The following TMTC2 variants were observed in gnomAD, a reference collection of about 807,000 sequenced individuals.
TMTC2 encodes the protein transmembrane O-mannosyltransferase targeting cadherins 2.
In TMTC2, 43 loss-of-function variants were observed where a neutral mutation model predicts 82.4. That is an observed-to-expected ratio of 0.52 (90% CI 0.41 to 0.67). TMTC2 has a LOEUF of 0.67. Among genes scored for constraint, TMTC2 ranks in the 30% least tolerant of loss-of-function variants. The pLI is 0.00. For missense variants in TMTC2, 919 were observed against 1,012.4 expected, an observed-to-expected ratio of 0.91 and a Z score of 1.25; for synonymous variants, 408 against 381.9, an observed-to-expected ratio of 1.07 and a Z score of -0.80.
At chr12:82,834,903 A>G (rs1432625718) in intron 1 of TMTC2, among the ~76,000 whole-genome samples, 1 of 151,368 alleles carries the variant, frequency 6.6e-6, no homozygotes, top group Non-Finnish European at 1.5e-5. Flanking sequence ...TTTGAGATGC[A>G]ATCTTGCCCT....
At chr12:82,937,765 T>TACATATATATATATATATAC (rs1876434591) in intron 4 of TMTC2, among the ~76,000 whole-genome samples, 8 of 19,754 alleles carry the variant, frequency 4.0e-4, no homozygotes, top group African/African-American at 7.0e-4. Flanking sequence ...TATATATATA[T>TACATATATATATATATATAC]ATATATATAT....
intron 8 of TMTC2, among the ~76,000 whole-genome samples, chr12:83,013,111 A>T (rs1157592363): frequency 6.6e-6 from 1 of 152,120 alleles, no homozygotes; most frequent in Admixed American, 6.5e-5. Flanking sequence ...TGCTTAACAT[A>T]ATATCACTTA....
chr12:83,069,303 A>G (rs1883027731), intron 11 of TMTC2, among the ~76,000 whole-genome samples: 1 of 152,154 alleles, frequency 6.6e-6, no homozygotes, highest in African/African-American at 2.4e-5. Context: ...ACTAGTTTAC[A>G]TTCCCACCAG....
chr12:82,831,047 G>T (rs887881852), intron 1 of TMTC2, among the ~76,000 whole-genome samples: 3 of 152,148 alleles, frequency 2.0e-5, no homozygotes, highest in African/African-American at 7.2e-5. Flanking sequence ...GAGAAAACAT[G>T]GTTGAAATAA....
At chr12:82,888,031 A>G (rs1873190804) in intron 2 of TMTC2, among the ~76,000 whole-genome samples, 1 of 152,176 alleles carries the variant, frequency 6.6e-6, no homozygotes, top group Non-Finnish European at 1.5e-5. Context: ...GTGAGCCGAA[A>G]TCGCGCCATT....
intron 8 of TMTC2, 102 bp from the exon 9 acceptor site, chr12:83,030,696 T>C (rs1200059021): frequency 1.1e-6 from 1 of 908,966 alleles, no homozygotes; most frequent in African/African-American, 1.7e-5. Flanking sequence ...TCCTTTCCTA[T>C]GATGATTACC....
chr12:82,976,934 G>T (rs1023967), intron 7 of TMTC2, among the ~76,000 whole-genome samples: 116,982 of 151,862 alleles, frequency 0.77, 46,189 homozygotes, highest in East Asian at 0.96. Context: ...ATGTGATCAG[G>T]TATTTGTCAG....
At chr12:82,852,014 A>G (rs1871000565) in intron 1 of TMTC2, among the ~76,000 whole-genome samples, 2 of 152,144 alleles carry the variant, frequency 1.3e-5, no homozygotes. Context: ...TTTCTAAAGG[A>G]AAAATCATAA....
intron 4 of TMTC2, among the ~76,000 whole-genome samples, chr12:82,948,196 T>C (rs1222205161): frequency 2.6e-5 from 4 of 152,072 alleles, no homozygotes; most frequent in Non-Finnish European, 5.9e-5. Flanking sequence ...TGAGACCTTG[T>C]TTCTATTTAA....
intron 9 of TMTC2, among the ~76,000 whole-genome samples, chr12:83,043,169 C>T (rs1226103889): frequency 6.6e-6 from 1 of 152,162 alleles, no homozygotes; most frequent in African/African-American, 2.4e-5. Context: ...CAGCAAGGCT[C>T]CTTTCAGAGA....
At chr12:82,727,048 A>G (rs562292345) in intron 1 of TMTC2, among the ~76,000 whole-genome samples, 4 of 151,832 alleles carry the variant, frequency 2.6e-5, no homozygotes, top group African/African-American at 9.7e-5. Context: ...GGAAAACTAG[A>G]TGTTTTCTTT....
intron 4 of TMTC2, among the ~76,000 whole-genome samples, chr12:82,963,792 C>CACATATGT (rs1213618232): frequency 1.9e-5 from 1 of 53,020 alleles, no homozygotes; most frequent in Admixed American, 2.4e-4. Context: ...TCCAGATTTT[C>CACATATGT]ATATATATAT....
chr12:82,876,248 A>G (rs866172483), intron 2 of TMTC2, among the ~76,000 whole-genome samples: 2 of 150,154 alleles, frequency 1.3e-5, no homozygotes, highest in Admixed American at 6.6e-5. Context: ...GGCAGGTGGT[A>G]GTGATGTTGA....
intron 11 of TMTC2, among the ~76,000 whole-genome samples, chr12:83,112,659 C>T (rs1410562715): frequency 6.6e-6 from 1 of 152,114 alleles, no homozygotes; most frequent in Non-Finnish European, 1.5e-5. Flanking sequence ...TGTGTAATAG[C>T]AGAAAAGGAT....
At chr12:82,836,302 C>G (rs1870037529) in intron 1 of TMTC2, among the ~76,000 whole-genome samples, 1 of 151,556 alleles carries the variant, frequency 6.6e-6, no homozygotes, top group African/African-American at 2.4e-5. Context: ...ATGACAAAAG[C>G]AACTTACAGA....
At position 82,940,471 on chromosome 12, in the gene TMTC2, A is replaced by G. The variant is rs76659463; in HGVS notation, c.1598+9926A>G. Among the ~76,000 whole-genome samples, 738 of 152,068 alleles carry G rather than the reference A, an allele frequency of 4.9e-3. 8 individuals are homozygous for G. The highest frequency in any genetic ancestry group is 0.017 in the African/African-American group (711 of 41,518). On this transcript the variant is annotated intron_variant, in intron 4 of 11. Coordinates refer to ENST00000321196, the MANE Select transcript of TMTC2 (RefSeq NM_152588.3). ...AATTAGATTTTTTATCTTTTATTCT[A>G]TTTTAAATTGGTCATTCCTGGTTAT...
chr12:83,001,651 A>G (rs953627411), intron 8 of TMTC2, among the ~76,000 whole-genome samples: 19 of 151,350 alleles, frequency 1.3e-4, no homozygotes, highest in East Asian at 7.7e-4. Context: ...AAAAAAAAAA[A>G]AAAGAAAAAG....
chr12:82,751,990 G>A (rs10746256), intron 1 of TMTC2, among the ~76,000 whole-genome samples: 150,618 of 152,218 alleles, frequency 0.99, 74,535 homozygotes, highest in Middle Eastern at 1. Context: ...ATTGGCTATT[G>A]GTGTTTAAAC....
At chr12:82,851,826 A>G (rs1211766316) in intron 1 of TMTC2, among the ~76,000 whole-genome samples, 2 of 152,086 alleles carry the variant, frequency 1.3e-5, no homozygotes, top group African/African-American at 4.8e-5. Flanking sequence ...TGTTGGAAGA[A>G]TCTAAGCGTC....
Sources: gnomAD v4.1 joint callset for allele counts (sites outside exome capture counted in the v4.1 genomes callset) on GRCh38, gnomAD v4.1.1 for gene constraint, MANE v1.5 for transcripts, NCBI Gene and HGNC (gene_info 2026-07-23, HGNC 2026-07-21) for gene names.